PMS1: variants seen among roughly 807,000 people sequenced by gnomAD.
PMS1 encodes the protein PMS1 protein homolog 1.
In PMS1, 79 loss-of-function variants were observed where a neutral mutation model predicts 93.1. That is an observed-to-expected ratio of 0.85 (90% CI 0.71 to 1.02). The LOEUF is 1.02. Among genes scored for constraint, PMS1 ranks in the 50% least tolerant of loss-of-function variants. The pLI is 0.00. For synonymous variants in PMS1, 335 were observed against 363.4 expected (o/e 0.92, Z 0.89); for missense variants, 1,064 against 1,085.3 (o/e 0.98, Z 0.28).
Position 189,854,683 on chromosome 2 carries a change from AATAAAGACC to A in PMS1, c.1415_1423del (p.Lys472_His474del). ...TAAGCACACCCAGTCAGAAAATGGC[AATAAAGACC>A]ATATAGATGAGAGTGGGGAAAATGA... On this transcript the variant is annotated inframe_deletion, in exon 9 of 13. Coordinates refer to ENST00000441310, the MANE Select transcript of PMS1 (RefSeq NM_000534.5). 4 of 1,613,946 alleles carry A rather than the reference AATAAAGACC, an allele frequency of 2.5e-6. No homozygotes were observed. The highest frequency in any genetic ancestry group is 3.4e-6 in the Non-Finnish European group (4 of 1,179,866).
chr2:189,791,982 A>G, intron 2 of PMS1, 41 bp downstream of exon 2: 2 of 1,587,512 alleles, frequency 1.3e-6, no homozygotes, highest in Non-Finnish European at 1.7e-6. Flanking sequence ...AAGACAAAGA[A>G]AAGGGTCTGG....
At chr2:189,839,101 C>T (rs961414745) in intron 5 of PMS1, among the ~76,000 whole-genome samples, 2 of 152,052 alleles carry the variant, frequency 1.3e-5, no homozygotes, top group African/African-American at 4.8e-5. Flanking sequence ...AAGTGATTCT[C>T]ATGCCTTAGC....
intron 3 of PMS1, among the ~76,000 whole-genome samples, chr2:189,802,029 T>C (rs903037082): frequency 6.6e-6 from 1 of 152,220 alleles, no homozygotes; most frequent in African/African-American, 2.4e-5. Context: ...CCCGTAGTGT[T>C]AGTTCATTTT....
rs2057429915 is a variant in PMS1 at position 189,874,898 on chromosome 2, TG to T, written c.2634+1246del. ...GGAGCTGTGGGTTGGAAGAACCATG[TG>T]GGGAGAAATAAGAGTTCAGAAATAA... On this transcript the variant is annotated intron_variant, in intron 12 of 12. Transcript: ENST00000441310. Among the ~76,000 whole-genome samples the T allele has an allele frequency of 2.6e-5, 4 of 152,198 alleles. No homozygotes were observed. The South Asian group carries it at 8.3e-4, about 32-fold the overall frequency.
At chr2:189,796,347 G>A (rs2049350128) in intron 3 of PMS1, among the ~76,000 whole-genome samples, 1 of 151,926 alleles carries the variant, frequency 6.6e-6, no homozygotes, top group Non-Finnish European at 1.5e-5. Context: ...AAGATAGAGT[G>A]AGATTCTGTC....
In PMS1 at chr2:189,791,717, CATT is replaced by C. The variant is rs1438967002; in HGVS notation, c.-20-66_-20-64del. The C allele has an allele frequency of 8.7e-5, 89 of 1,017,706 alleles. 2 individuals are homozygous for C. Among genetic ancestry groups the C allele is most frequent in the South Asian group, 7.0e-4 (54 of 76,880 alleles). 63.0% of individuals were successfully genotyped at this position (1,017,706 alleles called of 1,614,324 possible). ...GTGAAGATGATCTATTTTCATCTGT[CATT>C]ATTATTGCCATTTGTCCTGTTGGTC... On this transcript the variant is annotated intron_variant, in intron 1 of 12. Coordinates refer to ENST00000441310, the MANE Select transcript of PMS1 (RefSeq NM_000534.5).
At chr2:189,801,449 A>G (rs1036416300) in intron 3 of PMS1, among the ~76,000 whole-genome samples, 10 of 152,218 alleles carry the variant, frequency 6.6e-5, no homozygotes, top group Non-Finnish European at 1.3e-4. Flanking sequence ...AAATTTTTAT[A>G]AAGATTGTGT....
intron 11 of PMS1, among the ~76,000 whole-genome samples, chr2:189,869,226 TA>T (rs2056923974): frequency 6.6e-6 from 1 of 152,208 alleles, no homozygotes; most frequent in African/African-American, 2.4e-5. Context: ...CTCCAGGAAG[TA>T]TTGGTGAGCA....
At chr2:189,798,880 C>G (rs115770474) in intron 3 of PMS1, among the ~76,000 whole-genome samples, 3,061 of 151,428 alleles carry the variant, frequency 0.02, 51 homozygotes, top group Non-Finnish European at 0.031. Flanking sequence ...ATATATGTAA[C>G]CCTTCAGAGC....
intron 2 of PMS1, among the ~76,000 whole-genome samples, chr2:189,794,655 C>T (rs1354782329): frequency 2.0e-5 from 3 of 152,086 alleles, no homozygotes; most frequent in African/African-American, 7.2e-5. Flanking sequence ...GGAGTAAAGT[C>T]AGACTTATTT....
intron 5 of PMS1, among the ~76,000 whole-genome samples, chr2:189,841,105 T>C (rs767687476): frequency 1.3e-5 from 2 of 152,170 alleles, no homozygotes; most frequent in Non-Finnish European, 2.9e-5. Flanking sequence ...AAGGAGTGAA[T>C]GTTTAGAGCC....
At chr2:189,860,745 C>CAGTTAAGT (rs1231418697) in intron 9 of PMS1, among the ~76,000 whole-genome samples, 1 of 138,340 alleles carries the variant, frequency 7.2e-6, no homozygotes, top group Non-Finnish European at 1.5e-5. Context: ...TCCAAAATGT[C>CAGTTAAGT]AGTTAAGTCT....
In PMS1 at chr2:189,863,795, A is replaced by G; in HGVS notation, c.1909A>G (p.Arg637Gly). ...DLERYNSQMK[R>G]AIEQESQMSL... ...GGAACGATACAATAGTCAAATGAAG[A>G]GAGCCATTGAACAGGAGTCACAAAT... Residue 637 changes from arginine to glycine, a missense_variant, in exon 10 of 13, where the codon AGA (arginine) becomes GGA (glycine). Arg to Gly is a moderately radical substitution (Grantham distance 125, BLOSUM62 -2). Transcript: ENST00000441310. 2 of 1,610,912 alleles carry G rather than the reference A, an allele frequency of 1.2e-6. No homozygotes were observed. Among genetic ancestry groups the G allele is most frequent in the East Asian group, 4.5e-5 (2 of 44,850 alleles).
In PMS1 at chr2:189,818,177, C is replaced by A. The variant is rs879271333; in HGVS notation, c.579C>A (p.Asn193Lys). Residue 193 changes from asparagine (N) to lysine (K), a missense_variant, in exon 5 of 13, where the codon AAC becomes AAA. Physicochemically the swap from Asn to Lys is moderately conservative, Grantham distance 94. Transcript: ENST00000441310. ...KPDLRIVFVHNKAVIWQKSRV... is the reference protein window; with the variant it reads ...KPDLRIVFVHKKAVIWQKSRV... Reference sequence around the variant, plus strand: ...ACTTAAGGATTGTCTTTGTACATAACAAGGTAAACATTATTTTATCTTTAT... The same window carrying A: ...ACTTAAGGATTGTCTTTGTACATAAAAAGGTAAACATTATTTTATCTTTAT... The A allele has an allele frequency of 4.5e-6, 7 of 1,568,062 alleles. No individual in the cohort carries two copies. Among genetic ancestry groups the A allele is most frequent in the African/African-American group, 1.4e-5 (1 of 74,042 alleles).
intron 9 of PMS1, among the ~76,000 whole-genome samples, chr2:189,859,987 A>AG (rs2055779666): frequency 6.6e-6 from 1 of 152,222 alleles, no homozygotes. Flanking sequence ...CAGATATATA[A>AG]GGAATGCTTC....
In PMS1 at chr2:189,791,903, T is replaced by A. The variant is rs1256785630; in HGVS notation, c.94T>A (p.Ser32Thr). Residue 32 changes from serine to threonine, a missense_variant, in exon 2 of 13, where the codon TCC (serine) becomes ACC (threonine). Coordinates refer to ENST00000441310, the MANE Select transcript of PMS1 (RefSeq NM_000534.5). ...TGTTGTAAAAGAGCTTATTGAAAAC[T>A]CCTTGGATGCTGGTGCCACAAGCGT... Reference protein sequence around the residue: ...VSVVKELIENSLDAGATSVDV... With the variant: ...VSVVKELIENTLDAGATSVDV... The A allele has an allele frequency of 1.9e-6, 3 of 1,613,912 alleles. No individual in the cohort carries two copies. Among genetic ancestry groups the A allele is most frequent in the Non-Finnish European group, 8.5e-7 (1 of 1,179,902 alleles).
intron 4 of PMS1, among the ~76,000 whole-genome samples, chr2:189,815,086 G>A (rs959867050): frequency 2.8e-5 from 4 of 140,940 alleles, no homozygotes; most frequent in Non-Finnish European, 6.1e-5. Context: ...GCAACAGAGA[G>A]ACTCCATCTC....
intron 4 of PMS1, among the ~76,000 whole-genome samples, chr2:189,809,066 T>C (rs372258457): frequency 2.2e-4 from 33 of 152,322 alleles, no homozygotes; most frequent in African/African-American, 7.2e-4. Context: ...TTTCCTACCC[T>C]GTTACTAGAG....
At chr2:189,859,049 G>A (rs137869009) in intron 9 of PMS1, among the ~76,000 whole-genome samples, 1 of 152,078 alleles carries the variant, frequency 6.6e-6, no homozygotes, top group Non-Finnish European at 1.5e-5. Context: ...GTTAGTGTTT[G>A]AAGAGTATGA....
Sources: gnomAD v4.1 joint callset for allele counts (sites outside exome capture counted in the v4.1 genomes callset) on GRCh38, gnomAD v4.1.1 for gene constraint, MANE v1.5 for transcripts, NCBI Gene and HGNC (gene_info 2026-07-23, HGNC 2026-07-21) for gene names.